Variants in ANXA2 observed in about 807,000 individuals in gnomAD.
ANXA2 encodes annexin A2, also known as annexin II.
In ANXA2, 28 loss-of-function variants were observed where a neutral mutation model predicts 47.3. The observed-to-expected ratio is 0.59, with a 90% CI of 0.44 to 0.81. The LOEUF is 0.81. Among genes scored for constraint, ANXA2 ranks in the 40% least tolerant of loss-of-function variants. The pLI is 0.00. For missense variants in ANXA2, 384 were observed against 414.3 expected (o/e 0.93, Z 0.64); for synonymous variants, 172 against 155.5 (o/e 1.11, Z -0.79).
At chr15:60,357,462 T>A (rs574686040) in intron 5 of ANXA2, among the ~76,000 whole-genome samples, 1 of 152,294 alleles carries the variant, frequency 6.6e-6, no homozygotes, top group East Asian at 1.9e-4. Flanking sequence ...GGAACTGGCA[T>A]GTTGGAGTTC....
chr15:60,353,992 A>G (rs1404544945), intron 8 of ANXA2, among the ~76,000 whole-genome samples, 162 bp downstream of exon 8: 1 of 152,024 alleles, frequency 6.6e-6, no homozygotes, highest in East Asian at 1.9e-4. Flanking sequence ...GGGCTAATCT[A>G]CTCCTCAATT....
intron 1 of ANXA2, among the ~76,000 whole-genome samples, chr15:60,388,923 A>G (rs1413767289): frequency 2.0e-5 from 3 of 150,430 alleles, no homozygotes; most frequent in African/African-American, 7.3e-5. Flanking sequence ...TTTCCAGTAG[A>G]GATAATGTCG....
chr15:60,363,759 T>G (rs1484466593), intron 4 of ANXA2, among the ~76,000 whole-genome samples: 2 of 152,176 alleles, frequency 1.3e-5, no homozygotes, highest in Admixed American at 1.3e-4. Context: ...CTAAGCCCAC[T>G]CGTTGCAAAA....
Position 60,351,216 on chromosome 15 carries a change from C to G in ANXA2, c.814G>C (p.Asp272His). 1 of 1,614,170 alleles carries G rather than the reference C, an allele frequency of 6.2e-7. No homozygotes were observed. Among genetic ancestry groups the G allele is most frequent in the Non-Finnish European group, 8.5e-7 (1 of 1,180,038 alleles). Residue 272 changes from aspartate to histidine, a missense_variant, in exon 11 of 13, where the codon GAT becomes CAT. Transcript: ENST00000451270. ...ACCTTCATGGAGTCATACAGCCGAT[C>G]AGCAAAATACAGGGGCTTGTTCTGA... Reference protein sequence around the residue: ...CIQNKPLYFADRLYDSMKGKG... With the variant: ...CIQNKPLYFAHRLYDSMKGKG...
chr15:60,356,850 T>C (rs1277197126), intron 6 of ANXA2, among the ~76,000 whole-genome samples: 3 of 152,238 alleles, frequency 2.0e-5, no homozygotes, highest in Non-Finnish European at 4.4e-5. Context: ...TAATACTTGC[T>C]ACTTCTCCTC....
At position 60,378,216 on chromosome 15, in the gene ANXA2, G is replaced by A. The variant is rs142413393; in HGVS notation, c.148+4126C>T. 8.8e-3 allele frequency among the ~76,000 whole-genome samples: 1,333 copies of A among 152,262 alleles called. 12 individuals carry two copies. Among genetic ancestry groups the A allele is most frequent in the Middle Eastern group, 0.024 (7 of 292 alleles). On this transcript the variant is annotated intron_variant, in intron 3 of 12. Transcript: ENST00000451270. ...AATGGATGTTAAAATGAGTGTTAGG[G>A]AAGTTACTGTGGTGATGACTGCACA...
chr15:60,360,734 G>C (rs372980874), intron 5 of ANXA2, among the ~76,000 whole-genome samples: 7 of 152,172 alleles, frequency 4.6e-5, no homozygotes, highest in African/African-American at 1.7e-4. Context: ...TGACTTCTCA[G>C]CATCATGAAA....
chr15:60,392,434 T>C (rs189704644), intron 1 of ANXA2, among the ~76,000 whole-genome samples: 2 of 152,194 alleles, frequency 1.3e-5, no homozygotes, highest in East Asian at 3.9e-4. Context: ...ATAGATTTTA[T>C]TGTATTCTAT....
At chr15:60,364,734 C>T (rs2062569432) in intron 3 of ANXA2, among the ~76,000 whole-genome samples, 1 of 152,134 alleles carries the variant, frequency 6.6e-6, no homozygotes, top group African/African-American at 2.4e-5. Flanking sequence ...AGCCTCAAAC[C>T]TCAAGCTTAA....
At chr15:60,364,342 G>C (rs2062560979) in intron 4 of ANXA2, 87 bp downstream of exon 4, 3 of 1,054,286 alleles carry the variant, frequency 2.8e-6, no homozygotes, top group African/African-American at 1.6e-5. Flanking sequence ...TTGCGCATGA[G>C]AGCCACAATT....
chr15:60,348,338 G>A (rs545703584), intron 12 of ANXA2, among the ~76,000 whole-genome samples: 9 of 152,160 alleles, frequency 5.9e-5, no homozygotes, highest in South Asian at 2.1e-4. Context: ...CTGCAAATGC[G>A]ACATCACATC....
intron 1 of ANXA2, chr15:60,390,142 CTATGTAT>C: frequency 3.3e-6 from 1 of 303,854 alleles, no homozygotes; most frequent in Non-Finnish European, 5.0e-6. Flanking sequence ...AACATTTATA[CTATGTAT>C]AACCATTTTG....
At chr15:60,387,975 G>A (rs181626386) in intron 1 of ANXA2, among the ~76,000 whole-genome samples, 1 of 152,082 alleles carries the variant, frequency 6.6e-6, no homozygotes, top group Non-Finnish European at 1.5e-5. Context: ...AGATCACGAG[G>A]TCAGGAGATA....
At chr15:60,395,202 A>T (rs1304430720) in intron 1 of ANXA2, among the ~76,000 whole-genome samples, 2 of 152,230 alleles carry the variant, frequency 1.3e-5, no homozygotes. Context: ...TTAAAATCCA[A>T]CAATTCACTT....
chr15:60,394,945 A>C (rs1402322864), intron 1 of ANXA2, among the ~76,000 whole-genome samples: 1 of 152,212 alleles, frequency 6.6e-6, no homozygotes, highest in African/African-American at 2.4e-5. Flanking sequence ...TGTGGCCTAC[A>C]ACTAGAATAG....
chr15:60,377,373 A>G (rs2062795326), intron 3 of ANXA2, among the ~76,000 whole-genome samples: 1 of 152,242 alleles, frequency 6.6e-6, no homozygotes, highest in Non-Finnish European at 1.5e-5. Flanking sequence ...GTCATCATAG[A>G]AAATTTGCAA....
At chr15:60,387,378 C>T (rs1230016317) in intron 1 of ANXA2, among the ~76,000 whole-genome samples, 7 of 152,156 alleles carry the variant, frequency 4.6e-5, no homozygotes, top group Non-Finnish European at 8.8e-5. Flanking sequence ...TTTGTCCCAC[C>T]GTTGGGGTAT....
rs775182884 is a variant in ANXA2, at chr15:60,352,535, AT to A, written c.589-60del. On this transcript the variant is annotated intron_variant, in intron 8 of 12. Coordinates refer to ENST00000451270, the MANE Select transcript of ANXA2 (RefSeq NM_004039.3). The surrounding 1 kb of genome is among the most constrained non-coding windows in gnomAD (Gnocchi z 4.2). The stretch of plus-strand genomic sequence containing the variant: ...CACATCCAATGTAACGTCAAAAAAA[AT>A]GTCATGCAAAAAAAACAAAAAAAGC... 375 of 1,272,912 alleles carry A rather than the reference AT, an allele frequency of 2.9e-4. 1 individual carries two copies. The highest frequency in any genetic ancestry group is 3.8e-4 in the Non-Finnish European group (338 of 893,510). The allele number at this position is 1,272,912 out of a possible 1,614,324, so 78.9% of individuals were successfully genotyped here. A position where few individuals can be genotyped will look rare whatever the true frequency, so the allele number is the denominator to read the frequency against.
Position 60,354,168 on chromosome 15 carries a change from C to T in ANXA2, c.574G>A (p.Asp192Asn). 3 of 1,613,886 alleles carry T rather than the reference C, an allele frequency of 1.9e-6. No individual in the cohort carries two copies. The highest frequency in any genetic ancestry group is 2.5e-6 in the Non-Finnish European group (3 of 1,179,862). ...TCAGCACTTACCCGAGCATCTTGGT[C>T]AATCAGTTCATAATCAATGACAGAG... ...DGSVIDYELI[D>N]QDARDLYDAG... is the part of the protein sequence containing the mutation. The change falls in exon 8 of 13, where the codon GAC becomes AAC. Residue 192 changes from aspartate to asparagine, a missense_variant. Physicochemically the swap from Asp to Asn is conservative, Grantham distance 23. Coordinates refer to ENST00000451270, the MANE Select transcript of ANXA2 (RefSeq NM_004039.3).
Sources: allele counts gnomAD v4.1 joint callset (sites outside exome capture counted in the v4.1 genomes callset), GRCh38; gene constraint gnomAD v4.1.1; non-coding constraint Gnocchi (gnomAD v3.1); transcripts MANE v1.5; gene names NCBI Gene and HGNC (gene_info 2026-07-23, HGNC 2026-07-21).